DGCR2: variants seen among roughly 807,000 people sequenced by gnomAD.
DGCR2 encodes integral membrane protein DGCR2/IDD.
Under a neutral mutation model 51.6 loss-of-function variants are expected in DGCR2, and 24 were observed. The observed-to-expected ratio is 0.47, with a 90% CI of 0.34 to 0.65. The LOEUF (loss-of-function observed/expected upper bound fraction) is 0.65, where lower values mean the gene tolerates loss of function less well. Among genes scored for constraint, DGCR2 ranks in the 30% least tolerant of loss-of-function variants. DGCR2 has a pLI of 0.01. For synonymous variants in DGCR2, 340 were observed against 315.4 expected (o/e 1.08, Z -0.82); for missense variants, 765 against 772.1 (o/e 0.99, Z 0.11).
chr22:19,122,355 G>C lies in DGCR2; in HGVS notation c.-149C>G, dbSNP rs1490625224. ...CGGGAAAGAGCTTCGGCTGGGCCGC[G>C]GGCTGGCGCACACTCTCGGCTGCAA... On this transcript the variant is annotated 5_prime_UTR_variant, in exon 1 of 10. Coordinates refer to ENST00000263196, the MANE Select transcript of DGCR2 (RefSeq NM_005137.3). 3.5e-6 allele frequency: 2 copies of C among 571,008 alleles called. No individual in the cohort carries two copies. Among genetic ancestry groups the C allele is most frequent in the Non-Finnish European group, 5.7e-6 (2 of 353,128 alleles). 35.4% of individuals were successfully genotyped at this position (571,008 alleles called of 1,614,324 possible).
chr22:19,070,556 A>G lies in DGCR2; in HGVS notation c.203-2331T>C, dbSNP rs561818543. 1.2e-4 allele frequency among the ~76,000 whole-genome samples: 19 copies of G among 152,346 alleles called. 1 individual carries two copies. In the South Asian group the frequency reaches 3.9e-3, roughly 32 times the overall value. On this transcript the variant is annotated intron_variant, in intron 2 of 9. Transcript: ENST00000263196. ...AAAGGGAAGAGAAAGAAGAGATAACAGAGGGACAGTGCTGCCAGGTCACAT... is the reference window on the plus strand; with the variant it reads ...AAAGGGAAGAGAAAGAAGAGATAACGGAGGGACAGTGCTGCCAGGTCACAT...
chr22:19,072,534 G>A (rs1445509805), intron 2 of DGCR2, among the ~76,000 whole-genome samples: 2 of 152,204 alleles, frequency 1.3e-5, no homozygotes, highest in Non-Finnish European at 2.9e-5. Flanking sequence ...CATCCTCAAA[G>A]TGAGAGGTTC....
chr22:19,054,117 AATGGATTGTGGATTACTGT>A (rs2082576622), intron 6 of DGCR2, among the ~76,000 whole-genome samples: 1 of 152,230 alleles, frequency 6.6e-6, no homozygotes, highest in Non-Finnish European at 1.5e-5. Context: ...AAACTGGAAT[AATGGATTGTGGATTACTGT>A]ATGGTACTGT....
intron 8 of DGCR2, 77 bp from the exon 9 acceptor site, chr22:19,041,371 C>G: frequency 1.4e-6 from 2 of 1,466,388 alleles, no homozygotes; most frequent in Non-Finnish European, 1.9e-6. Context: ...AGCCCCCCAC[C>G]CCCAGGCTGG....
intron 6 of DGCR2, among the ~76,000 whole-genome samples, chr22:19,050,256 A>G (rs1333493948): frequency 6.6e-6 from 1 of 152,240 alleles, no homozygotes; most frequent in Non-Finnish European, 1.5e-5. Context: ...TGTTACTTCT[A>G]AGGGAACCCC....
chr22:19,041,173 G>T lies in DGCR2; in HGVS notation c.1281C>A (p.His427Gln), dbSNP rs61736259. The change falls in exon 9 of 10, where the codon CAC becomes CAA. Residue 427 changes from histidine (H) to glutamine (Q), a missense_variant. This residue lies in a region of DGCR2 where 205 missense variants were observed against 181.4 expected (regional missense o/e 1.13). Transcript: ENST00000263196. ...ATGCCGTGTAGGGAGGTGGAGGGTCGTGGAAATGGAAAGTCCCACCCTCTC... is the reference window on the plus strand; with the variant it reads ...ATGCCGTGTAGGGAGGTGGAGGGTCTTGGAAATGGAAAGTCCCACCCTCTC... ...DDGEGGTFHF[H>Q]DPPPPYTAYK... The T allele has an allele frequency of 6.2e-7, 1 of 1,613,880 alleles. No individual in the cohort carries two copies. Among genetic ancestry groups the T allele is most frequent in the Non-Finnish European group, 8.5e-7 (1 of 1,179,988 alleles).
chr22:19,106,181 C>T (rs541925959), intron 1 of DGCR2, among the ~76,000 whole-genome samples: 1 of 152,184 alleles, frequency 6.6e-6, no homozygotes, highest in Non-Finnish European at 1.5e-5. Context: ...ATGGAGGTGA[C>T]CATCCTGCCC....
At chr22:19,062,111 C>CTT (rs1335887409) in intron 5 of DGCR2, among the ~76,000 whole-genome samples, 1 of 152,208 alleles carries the variant, frequency 6.6e-6, no homozygotes, top group African/African-American at 2.4e-5. Flanking sequence ...ATGAGGCAAA[C>CTT]TTTGACTCTG....
At chr22:19,102,849 T>C (rs912228629) in intron 1 of DGCR2, among the ~76,000 whole-genome samples, 4 of 151,092 alleles carry the variant, frequency 2.6e-5, no homozygotes, top group Admixed American at 1.3e-4. Context: ...CCACAAAAAA[T>C]AGAAAAATTT....
chr22:19,053,281 C>A (rs1383445762), intron 6 of DGCR2, among the ~76,000 whole-genome samples: 1 of 152,176 alleles, frequency 6.6e-6, no homozygotes, highest in Non-Finnish European at 1.5e-5. Context: ...GAACATCAGA[C>A]CCTACTATCA....
chr22:19,075,336 A>G (rs1224429767), intron 2 of DGCR2, among the ~76,000 whole-genome samples: 1 of 152,000 alleles, frequency 6.6e-6, no homozygotes, highest in Non-Finnish European at 1.5e-5. Context: ...AGTCCCAGCT[A>G]CTTGGGAGGC....
chr22:19,089,257 C>G, intron 2 of DGCR2, 111 bp downstream of exon 2: 1 of 1,245,272 alleles, frequency 8.0e-7, no homozygotes, highest in Non-Finnish European at 1.1e-6. Flanking sequence ...CTCAAACTAA[C>G]TTTCCAATGT....
intron 2 of DGCR2, among the ~76,000 whole-genome samples, chr22:19,080,558 C>T (rs146028991): frequency 1.1e-4 from 16 of 152,280 alleles, no homozygotes; most frequent in Non-Finnish European, 1.9e-4. Flanking sequence ...TCAACTCCTG[C>T]GGGGCACAGT....
chr22:19,048,575 C>T lies in DGCR2; in HGVS notation c.871G>A (p.Asp291Asn). Residue 291 changes from aspartate (D) to asparagine (N), a missense_variant, in exon 7 of 10, where the codon GAC becomes AAC. By Grantham distance (23) the Asp-to-Asn change is conservative. Around this residue, in one of 3 missense-constraint regions of DGCR2, gnomAD observed 190 missense variants for 265.2 expected, o/e 0.72. Transcript: ENST00000263196. Reference sequence around the variant, plus strand: ...TGGCAGGTGCAGCTCAGGCATGGGTCGTCCCCCTTAGGGGTGAAGTAGAAC... The same window carrying T: ...TGGCAGGTGCAGCTCAGGCATGGGTTGTCCCCCTTAGGGGTGAAGTAGAAC... The part of the protein sequence containing the change: ...EGFYFTPKGD[D>N]PCLSCTCHGG... The T allele has an allele frequency of 1.2e-6, 2 of 1,614,210 alleles. No individual in the cohort carries two copies. The highest frequency in any genetic ancestry group is 1.7e-6 in the Non-Finnish European group (2 of 1,180,038).
chr22:19,096,374 G>A (rs757638327), intron 1 of DGCR2, among the ~76,000 whole-genome samples: 30 of 152,122 alleles, frequency 2.0e-4, no homozygotes, highest in Non-Finnish European at 3.8e-4. Flanking sequence ...AAAGAGGTTG[G>A]TTAATAGGTA....
intron 5 of DGCR2, among the ~76,000 whole-genome samples, chr22:19,059,099 A>G (rs1027415408): frequency 2.0e-5 from 3 of 152,106 alleles, no homozygotes; most frequent in Admixed American, 1.3e-4. Flanking sequence ...GGGGCTGGAG[A>G]AGAGGCTGGG....
chr22:19,111,945 G>A (rs893413135), intron 1 of DGCR2, among the ~76,000 whole-genome samples: 1 of 151,622 alleles, frequency 6.6e-6, no homozygotes, highest in Admixed American at 6.6e-5. Context: ...GAAGGCTCAG[G>A]ACTGTCAGAA....
chr22:19,049,500 G>A (rs367741975), intron 6 of DGCR2, among the ~76,000 whole-genome samples: 5 of 152,058 alleles, frequency 3.3e-5, no homozygotes, highest in Admixed American at 1.3e-4. Context: ...AGACTCTTCC[G>A]AAATTTCACA....
At chr22:19,081,671 A>G (rs995163641) in intron 2 of DGCR2, among the ~76,000 whole-genome samples, 2 of 152,244 alleles carry the variant, frequency 1.3e-5, no homozygotes, top group African/African-American at 4.8e-5. Context: ...CAATTCTGCA[A>G]GGATTTTTCC....
Sources: gnomAD v4.1 joint callset for allele counts (sites outside exome capture counted in the v4.1 genomes callset) on GRCh38, gnomAD v4.1.1 for gene constraint, gnomAD v4.1.1 regional missense constraint, MANE v1.5 for transcripts, NCBI Gene and HGNC (gene_info 2026-07-23, HGNC 2026-07-21) for gene names.